Variants in PRKG1 observed in about 807,000 individuals in gnomAD.
The protein encoded by PRKG1 is protein kinase cGMP-dependent 1.
In PRKG1, 35 loss-of-function variants were observed where a neutral mutation model predicts 88.1. The ratio of observed to expected loss-of-function variants is 0.40; its 90% CI spans 0.30 to 0.53. The LOEUF is 0.53. Among genes scored for constraint, PRKG1 ranks in the 20% least tolerant of loss-of-function variants. PRKG1 has a pLI of 0.59. For missense variants in PRKG1, 540 were observed against 839.8 expected (o/e 0.64, Z 4.41); for synonymous variants, 303 against 292.5 (o/e 1.04, Z -0.37).
intron 1 of PRKG1, among the ~76,000 whole-genome samples, chr10:51,055,430 T>C (rs1843614739): frequency 6.6e-6 from 1 of 152,202 alleles, no homozygotes; most frequent in South Asian, 2.1e-4. Context: ...TATAATCTTA[T>C]AAAGCCAGAA....
At chr10:52,259,068 T>G (rs777157888) in intron 10 of PRKG1, among the ~76,000 whole-genome samples, 7 of 149,520 alleles carry the variant, frequency 4.7e-5, no homozygotes, top group Non-Finnish European at 8.9e-5. Context: ...AAATATTAGA[T>G]AGCTGATCAG....
At chr10:51,192,357 T>C (rs1044850011) in intron 2 of PRKG1, among the ~76,000 whole-genome samples, 1 of 151,896 alleles carries the variant, frequency 6.6e-6, no homozygotes, top group African/African-American at 2.4e-5. Flanking sequence ...ATCTGTAAAA[T>C]AGAATGGGTT....
chr10:52,145,933 A>G (rs1176763681), intron 8 of PRKG1, among the ~76,000 whole-genome samples: 1 of 152,194 alleles, frequency 6.6e-6, no homozygotes, highest in Non-Finnish European at 1.5e-5. Context: ...TTCTTTGCAT[A>G]AAGTACAATG....
rs754948253 is a variant in PRKG1, at chr10:52,293,769, A to G, written c.1963-33A>G. On this transcript the variant is annotated intron_variant, in intron 17 of 17. Coordinates refer to ENST00000373980, the MANE Select transcript of PRKG1 (RefSeq NM_006258.4). ...CCAGCTTGGAATTCCACTAAAAAAA[A>G]TCCACTAAAAAAAACCTGTCCATTT... 9 of 1,556,802 alleles carry G rather than the reference A, an allele frequency of 5.8e-6. No individual in the cohort carries two copies. In the South Asian group the frequency reaches 1.0e-4, roughly 17 times the overall value.
intron 3 of PRKG1, among the ~76,000 whole-genome samples, chr10:51,717,433 G>A (rs188960150): frequency 6.6e-6 from 1 of 152,304 alleles, no homozygotes; most frequent in East Asian, 1.9e-4. Context: ...TAGTCACTGT[G>A]CTGATTTAAT....
Position 51,189,790 on chromosome 10 carries a change from G to A in PRKG1, c.478+36460G>A, listed in dbSNP as rs60644565. On this transcript the variant is annotated intron_variant, in intron 2 of 17. Coordinates refer to ENST00000373980, the MANE Select transcript of PRKG1 (RefSeq NM_006258.4). ...AAGACTAATTATATAAACAATAAAT[G>A]AATATGCATTTAGAGCCTAGGTGTT... is the stretch of plus-strand genomic sequence containing the variant. Among the ~76,000 whole-genome samples the A allele has an allele frequency of 4.9e-3, 748 of 152,010 alleles. 10 individuals carry two copies. The highest frequency in any genetic ancestry group is 0.017 in the African/African-American group (705 of 41,506).
intron 3 of PRKG1, among the ~76,000 whole-genome samples, chr10:51,781,165 A>AT (rs1838578639): frequency 1.3e-5 from 2 of 152,062 alleles, no homozygotes; most frequent in African/African-American, 4.8e-5. Context: ...ATTTTCTTTT[A>AT]TTTTTCCCCA....
At chr10:52,283,766 G>T (rs1185707255) in intron 14 of PRKG1, among the ~76,000 whole-genome samples, 1 of 152,004 alleles carries the variant, frequency 6.6e-6, no homozygotes, top group Non-Finnish European at 1.5e-5. Flanking sequence ...TAACATATGT[G>T]TGTGGATGGA....
At chr10:51,126,148 A>G (rs1169698574) in intron 1 of PRKG1, among the ~76,000 whole-genome samples, 1 of 120,588 alleles carries the variant, frequency 8.3e-6, no homozygotes, top group South Asian at 2.5e-4. Context: ...TATATATATT[A>G]TATAATTTTT....
At chr10:52,055,291 A>G (rs1370132775) in intron 6 of PRKG1, among the ~76,000 whole-genome samples, 1 of 152,240 alleles carries the variant, frequency 6.6e-6, no homozygotes, top group African/African-American at 2.4e-5. Context: ...CCCTTAGGCA[A>G]GTTGCTGAAT....
At chr10:51,815,885 A>T (rs780829190) in intron 4 of PRKG1, among the ~76,000 whole-genome samples, 2 of 152,218 alleles carry the variant, frequency 1.3e-5, no homozygotes, top group Non-Finnish European at 2.9e-5. Context: ...CCTTAGAGGC[A>T]GCATGAGCAC....
At chr10:52,062,045 C>A (rs1033614926) in intron 6 of PRKG1, among the ~76,000 whole-genome samples, 1 of 151,632 alleles carries the variant, frequency 6.6e-6, no homozygotes, top group African/African-American at 2.4e-5. Context: ...CATAATGAAA[C>A]AAAACTCATA....
intron 2 of PRKG1, among the ~76,000 whole-genome samples, chr10:51,211,448 G>A (rs1449147079): frequency 5.3e-5 from 8 of 152,168 alleles, no homozygotes; most frequent in African/African-American, 1.7e-4. Flanking sequence ...TCAACATAGT[G>A]TTGGAAGTTC....
intron 4 of PRKG1, among the ~76,000 whole-genome samples, chr10:51,810,315 C>T (rs544967257): frequency 1.3e-5 from 2 of 152,114 alleles, no homozygotes; most frequent in Admixed American, 6.6e-5. Flanking sequence ...ATGGTTTGGC[C>T]CCTTTTAACC....
chr10:52,084,845 ATAT>A (rs1452988879), intron 7 of PRKG1, among the ~76,000 whole-genome samples: 1 of 151,996 alleles, frequency 6.6e-6, no homozygotes, highest in Non-Finnish European at 1.5e-5. Context: ...CCAGGATCAA[ATAT>A]TATATTCAGA....
At chr10:51,687,369 T>C (rs902091293) in intron 3 of PRKG1, among the ~76,000 whole-genome samples, 1 of 152,204 alleles carries the variant, frequency 6.6e-6, no homozygotes, top group Non-Finnish European at 1.5e-5. Context: ...TTTGACACTT[T>C]AGAATACTTA....
chr10:51,492,977 G>A (rs1840747146), intron 3 of PRKG1, among the ~76,000 whole-genome samples: 1 of 152,084 alleles, frequency 6.6e-6, no homozygotes, highest in African/African-American at 2.4e-5. Flanking sequence ...CCTTGAACCA[G>A]TAATTAGTCT....
chr10:51,348,969 T>C (rs1350624621), intron 2 of PRKG1, among the ~76,000 whole-genome samples: 1 of 152,148 alleles, frequency 6.6e-6, no homozygotes, highest in Non-Finnish European at 1.5e-5. Context: ...AGATATAAAA[T>C]AGCTCACTTG....
In PRKG1 at chr10:52,224,808, C is replaced by CATATATATATATATATATATATATATAT. The variant is rs71032630; in HGVS notation, c.1077-26758_1077-26731dup. ...TTTTTATGGCTGCATAGTATTCCAT[C>CATATATATATATATATATATATATATAT]ATATATATATATATATATATATATA... On this transcript the variant is annotated intron_variant, in intron 9 of 17. Coordinates refer to ENST00000373980, the MANE Select transcript of PRKG1 (RefSeq NM_006258.4). Among the ~76,000 whole-genome samples, 95 of 106,322 alleles carry CATATATATATATATATATATATATATAT rather than the reference C, an allele frequency of 8.9e-4. 1 individual carries two copies. Among genetic ancestry groups the CATATATATATATATATATATATATATAT allele is most frequent in the Middle Eastern group, 4.4e-3 (1 of 226 alleles). 69.8% of individuals were successfully genotyped at this position (106,322 alleles called of 152,430 possible). A position where few individuals can be genotyped will look rare whatever the true frequency, so the allele number is the denominator to read the frequency against.
Sources: gnomAD v4.1 joint callset for allele counts (sites outside exome capture counted in the v4.1 genomes callset) on GRCh38, gnomAD v4.1.1 for gene constraint, MANE v1.5 for transcripts, NCBI Gene and HGNC (gene_info 2026-07-23, HGNC 2026-07-21) for gene names.